The following NRG1 variants were observed in gnomAD, a reference collection of about 807,000 sequenced individuals.
The protein encoded by NRG1 is pro-neuregulin-1, membrane-bound isoform.
In NRG1, 18 loss-of-function variants were observed where a neutral mutation model predicts 63.8. That is an observed-to-expected ratio of 0.28 (90% CI 0.19 to 0.42). NRG1 has a LOEUF of 0.42. Among genes scored for constraint, NRG1 ranks in the 10% least tolerant of loss-of-function variants. The probability of loss-of-function intolerance (pLI) is 1.00; values close to 1 mark genes in which losing one functional copy is unlikely to be tolerated. For synonymous variants in NRG1, 302 were observed against 301.3 expected (o/e 1.00, Z -0.02); for missense variants, 762 against 814.7 (o/e 0.94, Z 0.79).
chr8:32,564,932 T>C (rs1837162847), intron 1 of NRG1, among the ~76,000 whole-genome samples: 1 of 151,970 alleles, frequency 6.6e-6, no homozygotes, highest in East Asian at 1.9e-4. Context: ...TAGCCAGTTA[T>C]AATGGTGCAC....
chr8:31,898,560 T>C (rs892146918), intron 1 of NRG1, among the ~76,000 whole-genome samples: 3 of 152,132 alleles, frequency 2.0e-5, no homozygotes, highest in Non-Finnish European at 4.4e-5. Flanking sequence ...AAAAATTAGC[T>C]GGGTGCAGTG....
At chr8:31,992,638 C>A (rs554677514) in intron 1 of NRG1, among the ~76,000 whole-genome samples, 1 of 152,116 alleles carries the variant, frequency 6.6e-6, no homozygotes, top group East Asian at 1.9e-4. Flanking sequence ...ACTTTCTAAT[C>A]ATATATCACT....
At chr8:32,574,240 A>G (rs779880009) in intron 1 of NRG1, among the ~76,000 whole-genome samples, 22 of 152,194 alleles carry the variant, frequency 1.4e-4, no homozygotes, top group Non-Finnish European at 2.8e-4. Context: ...AGATGCAATT[A>G]TTCAAATTCC....
chr8:31,861,137 T>C (rs1828435356), intron 1 of NRG1, among the ~76,000 whole-genome samples: 1 of 152,108 alleles, frequency 6.6e-6, no homozygotes, highest in Non-Finnish European at 1.5e-5. Flanking sequence ...GAAAAGAAAG[T>C]TAGAAATTGC....
chr8:32,050,871 T>G (rs1019395240), intron 1 of NRG1, among the ~76,000 whole-genome samples: 1 of 152,074 alleles, frequency 6.6e-6, no homozygotes, highest in Non-Finnish European at 1.5e-5. Flanking sequence ...TAAGCTGAAA[T>G]TGTGGGAAAG....
intron 1 of NRG1, among the ~76,000 whole-genome samples, chr8:32,131,884 G>A (rs770921677): frequency 6.6e-6 from 1 of 151,976 alleles, no homozygotes; most frequent in Non-Finnish European, 1.5e-5. Flanking sequence ...TGTATCTGCA[G>A]CCCTCTTATT....
At chr8:32,220,255 G>A (rs146153859) in intron 1 of NRG1, among the ~76,000 whole-genome samples, 404 of 152,280 alleles carry the variant, frequency 2.7e-3, no homozygotes, top group African/African-American at 9.2e-3. Flanking sequence ...TTAACTACAA[G>A]GACTTGGCTT....
At chr8:32,172,540 T>A (rs1236818704) in intron 1 of NRG1, among the ~76,000 whole-genome samples, 1 of 151,930 alleles carries the variant, frequency 6.6e-6, no homozygotes, top group Non-Finnish European at 1.5e-5. Context: ...ATCAAACTAC[T>A]CTGAGCTAAA....
Position 32,001,090 on chromosome 8 carries a change from A to C in NRG1, c.37+361659A>C, listed in dbSNP as rs576709886. Among the ~76,000 whole-genome samples, 200 of 152,190 alleles carry C rather than the reference A, an allele frequency of 1.3e-3. 1 individual carries two copies. Among genetic ancestry groups the C allele is most frequent in the African/African-American group, 4.5e-3 (186 of 41,558 alleles). ...CTCTACCATGTTCCCCCTATTATGA[A>C]CATCTTATATTAGTGTGGTAGATTT... is the stretch of plus-strand genomic sequence containing the variant. On this transcript the variant is annotated intron_variant, in intron 1 of 10. Coordinates refer to the NRG1 transcript ENST00000519301.
At chr8:32,681,437 TCTC>T (rs1465544645) in intron 5 of NRG1, among the ~76,000 whole-genome samples, 1 of 152,114 alleles carries the variant, frequency 6.6e-6, no homozygotes. Flanking sequence ...ACTGTGCCCT[TCTC>T]CTTCTTCTGC....
At chr8:31,876,700 GT>G (rs1829952633) in intron 1 of NRG1, among the ~76,000 whole-genome samples, 1 of 152,044 alleles carries the variant, frequency 6.6e-6, no homozygotes, top group African/African-American at 2.4e-5. Context: ...AAAAATAAAT[GT>G]TTTGCATTTG....
intron 5 of NRG1, among the ~76,000 whole-genome samples, chr8:32,691,632 A>G (rs1811683996): frequency 6.6e-6 from 1 of 152,238 alleles, no homozygotes; most frequent in Non-Finnish European, 1.5e-5. Context: ...AATTTTTTTG[A>G]AAGTTCATGT....
chr8:32,541,138 T>C (rs1832534697), intron 1 of NRG1, among the ~76,000 whole-genome samples: 1 of 152,126 alleles, frequency 6.6e-6, no homozygotes, highest in Admixed American at 6.5e-5. Flanking sequence ...TAGGCCCGGA[T>C]CCAGGGGTGG....
chr8:32,386,632 T>TA (rs1811062384), intron 1 of NRG1, among the ~76,000 whole-genome samples: 2 of 152,240 alleles, frequency 1.3e-5, no homozygotes, highest in Non-Finnish European at 2.9e-5. Context: ...CTAAGGCCTA[T>TA]AAAGTATTGT....
At chr8:32,499,410 C>T (rs369413436) in intron 1 of NRG1, among the ~76,000 whole-genome samples, 5 of 152,128 alleles carry the variant, frequency 3.3e-5, no homozygotes, top group South Asian at 2.1e-4. Context: ...AGGCTGGGTG[C>T]GGTAGCTGAC....
chr8:31,666,406 T>G (rs1722919807), intron 1 of NRG1, among the ~76,000 whole-genome samples: 1 of 152,116 alleles, frequency 6.6e-6, no homozygotes, highest in Non-Finnish European at 1.5e-5. Context: ...GGGGAGGTGG[T>G]CTAAATGTCA....
intron 1 of NRG1, among the ~76,000 whole-genome samples, chr8:31,649,077 G>A (rs1360823193): frequency 6.6e-6 from 1 of 151,662 alleles, no homozygotes; most frequent in African/African-American, 2.4e-5. Flanking sequence ...TCCTGCCTCA[G>A]CCTCCTGAAT....
At chr8:32,566,009 A>G (rs1837366865) in intron 1 of NRG1, among the ~76,000 whole-genome samples, 1 of 152,168 alleles carries the variant, frequency 6.6e-6, no homozygotes, top group Non-Finnish European at 1.5e-5. Context: ...CTAGGCATGT[A>G]GAAACCTGTC....
chr8:31,931,813 C>T (rs1834888215), intron 1 of NRG1, among the ~76,000 whole-genome samples: 1 of 152,154 alleles, frequency 6.6e-6, no homozygotes. Flanking sequence ...CTTGCTTCTG[C>T]CATTTGCTCA....
Sources: gnomAD v4.1 joint callset for allele counts (sites outside exome capture counted in the v4.1 genomes callset) on GRCh38, gnomAD v4.1.1 for gene constraint, MANE v1.5 for transcripts, NCBI Gene and HGNC (gene_info 2026-07-23, HGNC 2026-07-21) for gene names.